The following ERC2 variants were observed in gnomAD, a reference collection of about 807,000 sequenced individuals.
ERC2 encodes the protein ERC protein 2.
In ERC2, 42 loss-of-function variants were observed where a neutral mutation model predicts 114.8. The ratio of observed to expected loss-of-function variants is 0.37; its 90% CI spans 0.29 to 0.47. The LOEUF is 0.47. Ranked by LOEUF, ERC2 falls within the 20% of genes least tolerant of loss-of-function variation. The probability of loss-of-function intolerance (pLI) is 0.99; values close to 1 mark genes in which losing one functional copy is unlikely to be tolerated. For synonymous variants in ERC2, 454 were observed against 425.5 expected (o/e 1.07, Z -0.82); for missense variants, 939 against 1,150.7 (o/e 0.82, Z 2.66).
intron 14 of ERC2, among the ~76,000 whole-genome samples, chr3:55,744,570 C>T (rs1329580733): frequency 1.3e-5 from 2 of 152,192 alleles, no homozygotes; most frequent in African/African-American, 4.8e-5. Flanking sequence ...TGATTGGTTG[C>T]TTTCAGACCG....
At chr3:56,146,399 A>G (rs1489257076) in intron 5 of ERC2, among the ~76,000 whole-genome samples, 2 of 152,218 alleles carry the variant, frequency 1.3e-5, no homozygotes, top group Non-Finnish European at 2.9e-5. Flanking sequence ...CATTCTTTCA[A>G]TGGAGAAAAT....
Position 56,413,418 on chromosome 3 carries a change from G to C in ERC2, c.657+20933C>G, listed in dbSNP as rs17056781. On this transcript the variant is annotated intron_variant, in intron 2 of 17. Coordinates refer to ENST00000288221, the MANE Select transcript of ERC2 (RefSeq NM_015576.3). The stretch of plus-strand genomic sequence containing the variant: ...AGCATGGTGGCTGCTTGGGGTCAGC[G>C]CACAGCAGGTATGGCCATCTTGGGT... Among the ~76,000 whole-genome samples, 290 of 152,256 alleles carry C rather than the reference G, an allele frequency of 1.9e-3. 1 individual carries two copies. Among genetic ancestry groups the C allele is most frequent in the African/African-American group, 6.5e-3 (272 of 41,530 alleles).
At chr3:56,183,145 G>T (rs1399328881) in intron 3 of ERC2, among the ~76,000 whole-genome samples, 1 of 152,074 alleles carries the variant, frequency 6.6e-6, no homozygotes, top group East Asian at 1.9e-4. Flanking sequence ...TTTAAAGATT[G>T]ACCCCATACC....
intron 13 of ERC2, among the ~76,000 whole-genome samples, chr3:55,912,508 G>A (rs1187364484): frequency 6.6e-6 from 1 of 152,152 alleles, no homozygotes; most frequent in Non-Finnish European, 1.5e-5. Flanking sequence ...GCATGTGTAA[G>A]TGTATATTTA....
intron 3 of ERC2, among the ~76,000 whole-genome samples, chr3:56,264,488 T>G (rs183321014): frequency 6.6e-6 from 1 of 151,896 alleles, no homozygotes; most frequent in African/African-American, 2.4e-5. Context: ...TCCCAGCTAC[T>G]TGGGAGGCCA....
intron 12 of ERC2, among the ~76,000 whole-genome samples, chr3:55,959,937 C>G (rs569109167): frequency 1.3e-5 from 2 of 152,132 alleles, no homozygotes; most frequent in African/African-American, 2.4e-5. Context: ...TGAAAATATC[C>G]CCTGCTTCAG....
chr3:56,420,923 A>C (rs1000851677), intron 2 of ERC2, among the ~76,000 whole-genome samples: 4 of 151,924 alleles, frequency 2.6e-5, no homozygotes, highest in Admixed American at 6.6e-5. Flanking sequence ...AGAAAGAAAG[A>C]AAGAAACTAA....
chr3:56,346,788 G>T (rs1481000208), intron 2 of ERC2, among the ~76,000 whole-genome samples: 1 of 152,162 alleles, frequency 6.6e-6, no homozygotes, highest in Non-Finnish European at 1.5e-5. Context: ...TCTGGAGACT[G>T]GGACGTCCAA....
intron 2 of ERC2, among the ~76,000 whole-genome samples, chr3:56,425,043 G>A (rs576297024): frequency 9.8e-5 from 15 of 152,294 alleles, no homozygotes; most frequent in African/African-American, 2.6e-4. Flanking sequence ...AGGTGAGTAA[G>A]GACAGCTCAA....
chr3:56,041,981 GA>G (rs57388633), intron 7 of ERC2, among the ~76,000 whole-genome samples: 41,477 of 152,054 alleles, frequency 0.27, 6,258 homozygotes, highest in Admixed American at 0.34. Context: ...GATTTAAAGT[GA>G]AAAGAAGCAA....
At chr3:55,610,852 G>A (rs533205915) in intron 17 of ERC2, 1 of 152,350 alleles carries the variant, frequency 6.6e-6, no homozygotes, top group African/African-American at 2.4e-5. Context: ...GAGAAACTTA[G>A]AAATGAAAAG....
intron 17 of ERC2, among the ~76,000 whole-genome samples, chr3:55,585,480 T>C (rs745567103): frequency 1.3e-5 from 2 of 152,190 alleles, no homozygotes; most frequent in Non-Finnish European, 1.5e-5. Context: ...ATAATCCAAC[T>C]AACAGTCCAG....
chr3:55,784,059 A>G (rs2149059015), intron 14 of ERC2, among the ~76,000 whole-genome samples: 1 of 152,366 alleles, frequency 6.6e-6, no homozygotes. Context: ...TTGTTATAGT[A>G]GATGAAATTA....
In ERC2 at chr3:56,338,151, C is replaced by T. The variant is rs558350743; in HGVS notation, c.658-41716G>A. 1.5e-4 allele frequency among the ~76,000 whole-genome samples: 23 copies of T among 152,270 alleles called. No individual in the cohort carries two copies. The South Asian group carries it at 3.9e-3, about 26-fold the overall frequency. On this transcript the variant is annotated intron_variant, in intron 2 of 17. Coordinates refer to ENST00000288221, the MANE Select transcript of ERC2 (RefSeq NM_015576.3). The stretch of plus-strand genomic sequence containing the variant: ...ACCATGAAGTCAGAGTAACAGTTAG[C>T]TTTGAGGGGAGGTAGGGGGTTGTGA...
chr3:56,392,715 T>G (rs1327035868), intron 2 of ERC2, among the ~76,000 whole-genome samples: 1 of 152,200 alleles, frequency 6.6e-6, no homozygotes, highest in East Asian at 1.9e-4. Flanking sequence ...CCTCGAGACA[T>G]GACTTTTATA....
At position 55,888,529 on chromosome 3, in the gene ERC2, T is replaced by C; in HGVS notation, c.2424A>G (p.Ala808=). 1.2e-6 allele frequency: 2 copies of C among 1,613,866 alleles called. No homozygotes were observed. The highest frequency in any genetic ancestry group is 1.1e-5 in the South Asian group (1 of 91,074). ...QHLQIEELMN[A]LEKTRQELDA... is the part of the protein sequence containing the mutation. Reference sequence around the variant, plus strand: ...CCAGTTCCTGTCTGGTCTTCTCCAGTGCATTCATCAGTTCCTCTATCTGAA... The same window carrying C: ...CCAGTTCCTGTCTGGTCTTCTCCAGCGCATTCATCAGTTCCTCTATCTGAA... Residue 808 remains alanine, a synonymous_variant, in exon 14 of 18, where the codon GCA becomes GCG. Transcript: ENST00000288221.
intron 2 of ERC2, among the ~76,000 whole-genome samples, chr3:56,359,532 A>G (rs1246521886): frequency 6.6e-6 from 1 of 152,280 alleles, no homozygotes; most frequent in Non-Finnish European, 1.5e-5. Flanking sequence ...AGACATTATT[A>G]TTCCCATTAG....
At chr3:55,871,824 A>T (rs909004304) in intron 14 of ERC2, among the ~76,000 whole-genome samples, 4 of 152,184 alleles carry the variant, frequency 2.6e-5, no homozygotes, top group African/African-American at 9.7e-5. Context: ...TTTTTTAAAA[A>T]ATTAAAATCT....
intron 15 of ERC2, among the ~76,000 whole-genome samples, chr3:55,703,498 G>A (rs377385150): frequency 5.3e-5 from 8 of 152,170 alleles, no homozygotes; most frequent in Non-Finnish European, 8.8e-5. Context: ...CACCCCCCTG[G>A]GTCTCTGCCA....
Sources: gnomAD v4.1 joint callset for allele counts (sites outside exome capture counted in the v4.1 genomes callset) on GRCh38, gnomAD v4.1.1 for gene constraint, MANE v1.5 for transcripts, NCBI Gene and HGNC (gene_info 2026-07-23, HGNC 2026-07-21) for gene names.